The following CATSPERE variants were observed in gnomAD, a reference collection of about 807,000 sequenced individuals.
The protein encoded by CATSPERE is catsper channel auxiliary subunit epsilon, also known as cation channel sperm-associated auxiliary subunit epsilon.
A neutral mutation model predicts 114.1 loss-of-function variants in CATSPERE; 93 were observed. The observed-to-expected ratio is 0.81, with a 90% CI of 0.69 to 0.97. The LOEUF (loss-of-function observed/expected upper bound fraction) is 0.97, where lower values mean the gene tolerates loss of function less well. Ranked by LOEUF, CATSPERE falls within the 50% of genes least tolerant of loss-of-function variation. The pLI, the probability that CATSPERE is intolerant of heterozygous loss-of-function variation, is 0.00. For synonymous variants in CATSPERE, 341 were observed against 384.1 expected, an observed-to-expected ratio of 0.89 and a Z score of 1.31; for missense variants, 1,058 against 1,131.6, an observed-to-expected ratio of 0.93 and a Z score of 0.93.
intron 12 of CATSPERE, among the ~76,000 whole-genome samples, chr1:244,583,264 A>AAATATAAAT (rs1198646648): frequency 1.3e-5 from 2 of 151,988 alleles, no homozygotes; most frequent in African/African-American, 2.4e-5. Flanking sequence ...TCAAACTTTC[A>AAATATAAAT]CGTTTTCTTC....
intron 14 of CATSPERE, among the ~76,000 whole-genome samples, chr1:244,589,578 A>G (rs1047189384): frequency 4.6e-5 from 7 of 152,202 alleles, no homozygotes; most frequent in African/African-American, 1.7e-4. Flanking sequence ...TTAGAAATGT[A>G]GATTCTCAGG....
chr1:244,607,757 A>C lies in CATSPERE; in HGVS notation c.2403+1963A>C, dbSNP rs74152137. Among the ~76,000 whole-genome samples, 9,438 of 152,244 alleles carry C rather than the reference A, an allele frequency of 0.062. 981 individuals are homozygous for C. Among genetic ancestry groups the C allele is most frequent in the African/African-American group, 0.21 (8,912 of 41,490 alleles). ...CCTTGGTTCCTAATTCACTGCTTTG[A>C]GGAGAGGCACCGTCAGAACCATCTA... On this transcript the variant is annotated intron_variant, in intron 18 of 21. Coordinates refer to ENST00000366534, the MANE Select transcript of CATSPERE (RefSeq NM_001130957.2). This position sits in a 1 kb window ranked among gnomAD's most constrained non-coding sequence, Gnocchi z 4.4.
intron 8 of CATSPERE, among the ~76,000 whole-genome samples, chr1:244,550,614 T>G (rs1660459307): frequency 6.6e-6 from 1 of 152,190 alleles, no homozygotes; most frequent in Non-Finnish European, 1.5e-5. Context: ...TTTAAGAAAT[T>G]GTAATTGGAA....
In CATSPERE at chr1:244,568,605, G is replaced by A. The variant is rs1026740979; in HGVS notation, c.1508-3725G>A. Among the ~76,000 whole-genome samples the A allele has an allele frequency of 7.2e-5, 11 of 152,150 alleles. No individual in the cohort carries two copies. Among genetic ancestry groups the A allele is most frequent in the Admixed American group, 2.0e-4 (3 of 15,280 alleles). ...GCTGTGCCGAGCTGTGGTGGGCTCCGCCCAGTTAGAACTTCCTGGCAGCTT... is the reference window on the plus strand; with the variant it reads ...GCTGTGCCGAGCTGTGGTGGGCTCCACCCAGTTAGAACTTCCTGGCAGCTT... On this transcript the variant is annotated intron_variant, in intron 10 of 21. Coordinates refer to ENST00000366534, the MANE Select transcript of CATSPERE (RefSeq NM_001130957.2). This position sits in a 1 kb window ranked among gnomAD's most constrained non-coding sequence, Gnocchi z 4.4.
At chr1:244,451,358 G>A (rs527468145), upstream of CATSPERE, among the ~76,000 whole-genome samples, 16 of 152,292 alleles carry the variant, frequency 1.1e-4, no homozygotes, top group East Asian at 3.1e-3. This position sits in a 1 kb window ranked among gnomAD's most constrained non-coding sequence, Gnocchi z 6.6. Context: ...ACGCAAAACT[G>A]CAACTGCCAG....
chr1:244,481,215 C>T (rs1670214924), intron 5 of CATSPERE, among the ~76,000 whole-genome samples: 1 of 152,114 alleles, frequency 6.6e-6, no homozygotes, highest in African/African-American at 2.4e-5. Flanking sequence ...TTTTGGGAGG[C>T]CAGGGCAGGT....
chr1:244,601,945 CGGAA>C (rs926995975), intron 17 of CATSPERE, among the ~76,000 whole-genome samples: 2 of 148,510 alleles, frequency 1.3e-5, no homozygotes, highest in Non-Finnish European at 3.0e-5. Context: ...CAGAGCGAAA[CGGAA>C]GGAAGGAAGG....
At chr1:244,535,170 G>A (rs561636579) in intron 8 of CATSPERE, among the ~76,000 whole-genome samples, 21 of 152,312 alleles carry the variant, frequency 1.4e-4, no homozygotes, top group African/African-American at 4.8e-4. Context: ...GTGACACAGC[G>A]CCCCTGTGGA....
chr1:244,541,505 CA>C (rs893444063), intron 8 of CATSPERE, among the ~76,000 whole-genome samples: 2 of 140,200 alleles, frequency 1.4e-5, no homozygotes, highest in African/African-American at 5.3e-5. Context: ...AGTCAGGAAA[CA>C]ACAGGTGCTG....
At chr1:244,565,776 C>A (rs966975484) in intron 10 of CATSPERE, among the ~76,000 whole-genome samples, 2 of 152,044 alleles carry the variant, frequency 1.3e-5, no homozygotes, top group African/African-American at 2.4e-5. Context: ...AGATTCTTTT[C>A]AAAAAACCAG....
chr1:244,500,149 T>G (rs1673800755), intron 7 of CATSPERE, among the ~76,000 whole-genome samples: 1 of 152,240 alleles, frequency 6.6e-6, no homozygotes, highest in African/African-American at 2.4e-5. Context: ...TGTCTTCTTT[T>G]GAGAAGTGCC....
chr1:244,546,501 G>C (rs1359877537), intron 8 of CATSPERE, among the ~76,000 whole-genome samples: 1 of 152,200 alleles, frequency 6.6e-6, no homozygotes, highest in African/African-American at 2.4e-5. Flanking sequence ...GCCCTAAAGA[G>C]ATAGAGATGT....
chr1:244,631,139 G>C (rs1402948263), intron 20 of CATSPERE, among the ~76,000 whole-genome samples: 1 of 152,070 alleles, frequency 6.6e-6, no homozygotes, highest in Non-Finnish European at 1.5e-5. Flanking sequence ...TAAGAACTGG[G>C]TTATGCTTGC....
At chr1:244,468,815 G>A (rs535553293) in intron 2 of CATSPERE, among the ~76,000 whole-genome samples, 2 of 152,258 alleles carry the variant, frequency 1.3e-5, no homozygotes, top group East Asian at 1.9e-4. Flanking sequence ...CTACTTGGGC[G>A]GCTGAGGTGG....
At position 244,572,578 on chromosome 1, in the gene CATSPERE, A is replaced by G. The variant is rs757299817; in HGVS notation, c.1756A>G (p.Met586Val). ...CACAACAAAAGACAAATGCCCATAC[A>G]TGGCATTTCATAACAATGTTGCTCA... ...AFTTKDKCPY[M>V]AFHNNVAHVF... Residue 586 changes from methionine (M) to valine (V), a missense_variant, in exon 11 of 22, where the codon ATG (methionine) becomes GTG (valine). By Grantham distance (21) the Met-to-Val change is conservative. This residue lies in a region of CATSPERE where 787 missense variants were observed against 905.6 expected (regional missense o/e 0.87). Transcript: ENST00000366534. The G allele has an allele frequency of 1.9e-6, 3 of 1,614,030 alleles. No homozygotes were observed. The highest frequency in any genetic ancestry group is 8.5e-7 in the Non-Finnish European group (1 of 1,179,914).
At chr1:244,612,070 A>G (rs1364866945) in intron 19 of CATSPERE, among the ~76,000 whole-genome samples, 1 of 152,262 alleles carries the variant, frequency 6.6e-6, no homozygotes, top group Middle Eastern at 3.4e-3. Flanking sequence ...CGTACAGTCT[A>G]GAAAGACTCT....
At chr1:244,543,170 G>GGGATAATCT in intron 8 of CATSPERE, among the ~76,000 whole-genome samples, 2 of 152,254 alleles carry the variant, frequency 1.3e-5, no homozygotes, top group South Asian at 4.1e-4. Flanking sequence ...ATCTGTGGAA[G>GGGATAATCT]GGATAATCTG....
intron 9 of CATSPERE, among the ~76,000 whole-genome samples, chr1:244,553,630 C>CACACACATATATACAT (rs1661107620): frequency 1.4e-5 from 2 of 146,400 alleles, no homozygotes; most frequent in Admixed American, 6.8e-5. Flanking sequence ...CACACACACA[C>CACACACATATATACAT]ACACACACAC....
At chr1:244,559,060 C>T (rs1030344161) in intron 9 of CATSPERE, among the ~76,000 whole-genome samples, 6 of 152,130 alleles carry the variant, frequency 3.9e-5, no homozygotes, top group Non-Finnish European at 5.9e-5. Flanking sequence ...ACGATTATGC[C>T]GAAGCATTAA....
Sources: gnomAD v4.1 joint callset for allele counts (sites outside exome capture counted in the v4.1 genomes callset) on GRCh38, gnomAD v4.1.1 for gene constraint, gnomAD v4.1.1 regional missense constraint, Gnocchi (gnomAD v3.1) non-coding constraint, MANE v1.5 for transcripts, NCBI Gene and HGNC (gene_info 2026-07-23, HGNC 2026-07-21) for gene names.